CTSS: variants seen among roughly 807,000 people sequenced by gnomAD.
The protein encoded by CTSS is cathepsin S.
CTSS carries 15 observed loss-of-function variants against 39.9 expected under a neutral mutation model. That is an observed-to-expected ratio of 0.38 (90% CI 0.25 to 0.58). The LOEUF is 0.58. Ranked by LOEUF, CTSS falls within the 20% of genes least tolerant of loss-of-function variation. The probability of loss-of-function intolerance (pLI) is 0.70; values close to 1 mark genes in which losing one functional copy is unlikely to be tolerated. For synonymous variants in CTSS, 126 were observed against 138.2 expected, an observed-to-expected ratio of 0.91 and a Z score of 0.62; for missense variants, 250 against 398.2, an observed-to-expected ratio of 0.63 and a Z score of 3.17.
At chr1:150,733,486 A>G (rs587730741) in intron 7 of CTSS, among the ~76,000 whole-genome samples, 1 of 152,336 alleles carries the variant, frequency 6.6e-6, no homozygotes, top group East Asian at 1.9e-4. Context: ...TTTTGATAAC[A>G]GTATCATGTG....
chr1:150,765,466 C>G (rs1653355002), intron 1 of CTSS, among the ~76,000 whole-genome samples: 1 of 152,132 alleles, frequency 6.6e-6, no homozygotes, highest in South Asian at 2.1e-4. Flanking sequence ...GAATTTTAAA[C>G]ATGTAAGCCT....
intron 1 of CTSS, 107 bp from the exon 2 acceptor site, chr1:150,764,871 A>T: frequency 1.6e-6 from 2 of 1,283,296 alleles, no homozygotes; most frequent in South Asian, 2.8e-5. Context: ...AAAGGGACAG[A>T]CTATTATAAA....
At chr1:150,760,900 G>A (rs1263930525) in intron 2 of CTSS, among the ~76,000 whole-genome samples, 1 of 151,314 alleles carries the variant, frequency 6.6e-6, no homozygotes, top group Non-Finnish European at 1.5e-5. Context: ...AAAAAAGAAG[G>A]TTGGGCAAGG....
At chr1:150,753,298 A>AT (rs1000576656) in intron 4 of CTSS, among the ~76,000 whole-genome samples, 3 of 152,112 alleles carry the variant, frequency 2.0e-5, no homozygotes, top group African/African-American at 4.8e-5. Context: ...GATTTTTGCA[A>AT]TTTTTTTAAA....
At chr1:150,753,173 A>C (rs1418665540) in intron 4 of CTSS, among the ~76,000 whole-genome samples, 3 of 151,968 alleles carry the variant, frequency 2.0e-5, no homozygotes, top group Admixed American at 2.0e-4. Context: ...CTTCCTAATA[A>C]ATTTTTACTT....
intron 7 of CTSS, among the ~76,000 whole-genome samples, chr1:150,734,362 C>G (rs1022057624): frequency 6.0e-5 from 9 of 151,152 alleles, no homozygotes; most frequent in Admixed American, 2.0e-4. Context: ...TACTATTGGT[C>G]GGGCACGGTG....
chr1:150,761,844 T>C (rs925129992), intron 2 of CTSS, among the ~76,000 whole-genome samples: 1 of 152,236 alleles, frequency 6.6e-6, no homozygotes, highest in Admixed American at 6.5e-5. Context: ...AAAATGTTCA[T>C]ACTATCCAAA....
intron 7 of CTSS, among the ~76,000 whole-genome samples, chr1:150,733,796 C>G (rs1331990024): frequency 6.6e-6 from 1 of 151,456 alleles, no homozygotes; most frequent in Non-Finnish European, 1.5e-5. Context: ...GTCCCTGATT[C>G]TACAAAAAAA....
At position 150,757,945 on chromosome 1, in the gene CTSS, C is replaced by G. The variant is rs777186197; in HGVS notation, c.162G>C (p.Lys54Asn). The stretch of plus-strand genomic sequence containing the variant: ...TGTGAAGCATCACAAACTTTAGATT[C>G]TTTTCCCAGATGAGACGTCGTACTG... ...EEAVRRLIWE[K>N]NLKFVMLHNL... The change falls in exon 3 of 8, where the codon AAG (lysine) becomes AAC (asparagine). Residue 54 changes from lysine (K) to asparagine (N), a missense_variant. Physicochemically the swap from Lys to Asn is moderately conservative, Grantham distance 94. Coordinates refer to ENST00000368985, the MANE Select transcript of CTSS (RefSeq NM_004079.5). 1.2e-6 allele frequency: 2 copies of G among 1,613,868 alleles called. No homozygotes were observed. Among genetic ancestry groups the G allele is most frequent in the Non-Finnish European group, 1.7e-6 (2 of 1,179,942 alleles).
intron 2 of CTSS, among the ~76,000 whole-genome samples, chr1:150,760,847 C>T (rs1653239716): frequency 6.6e-6 from 1 of 151,016 alleles, no homozygotes; most frequent in Admixed American, 6.6e-5. Flanking sequence ...CACCACTTCA[C>T]TCCAACCTGG....
At chr1:150,765,246 T>C (rs1653347341) in intron 1 of CTSS, among the ~76,000 whole-genome samples, 2 of 152,172 alleles carry the variant, frequency 1.3e-5, no homozygotes, top group South Asian at 4.1e-4. Flanking sequence ...AATTCTCATC[T>C]ATTGCTTTCA....
chr1:150,750,495 C>CT (rs1652986503), intron 5 of CTSS, among the ~76,000 whole-genome samples: 1 of 152,208 alleles, frequency 6.6e-6, no homozygotes, highest in Admixed American at 6.5e-5. Context: ...GCTTTAAAAT[C>CT]TTTTTGATGC....
In CTSS at chr1:150,749,424, C is replaced by T. The variant is rs149953139; in HGVS notation, c.793+582G>A. Among the ~76,000 whole-genome samples the T allele has an allele frequency of 2.1e-4, 32 of 152,204 alleles. No individual in the cohort carries two copies. In the East Asian group the frequency reaches 4.8e-3, roughly 23 times the overall value. The stretch of plus-strand genomic sequence containing the variant: ...AGTAAGCCAGCCCAGCATGCCTTTA[C>T]GCCAAAACCTAATCCAGAACAAGAC... On this transcript the variant is annotated intron_variant, in intron 6 of 7. Coordinates refer to ENST00000368985, the MANE Select transcript of CTSS (RefSeq NM_004079.5).
intron 7 of CTSS, among the ~76,000 whole-genome samples, chr1:150,741,994 T>C (rs919300788): frequency 6.6e-6 from 1 of 151,622 alleles, no homozygotes; most frequent in African/African-American, 2.4e-5. Context: ...ATCCCAGCAC[T>C]TGGGGAGACC....
intron 2 of CTSS, 139 bp from the exon 3 acceptor site, chr1:150,758,119 A>C: frequency 1.5e-6 from 1 of 688,990 alleles, no homozygotes; most frequent in Non-Finnish European, 2.3e-6. Context: ...GCACGATCTC[A>C]GCTTACTTCA....
intron 5 of CTSS, among the ~76,000 whole-genome samples, chr1:150,751,317 C>T (rs1653000475): frequency 2.0e-5 from 3 of 152,114 alleles, no homozygotes; most frequent in Middle Eastern, 6.8e-3. Flanking sequence ...GGCGTGATCT[C>T]GGCTCACTGC....
rs938157892 is a variant in CTSS, at chr1:150,753,417, A to G, written c.400-1409T>C. Among the ~76,000 whole-genome samples the G allele has an allele frequency of 3.3e-5, 5 of 152,196 alleles. No homozygotes were observed. In the East Asian group the frequency reaches 9.6e-4, roughly 29 times the overall value. ...AGCCATGAATTAACTTGAGTGGCTC[A>G]ATTTATAGAACACTCTATCTCTAGT... On this transcript the variant is annotated intron_variant, in intron 4 of 7. Coordinates refer to ENST00000368985, the MANE Select transcript of CTSS (RefSeq NM_004079.5).
At chr1:150,736,034 A>G (rs778601281) in intron 7 of CTSS, among the ~76,000 whole-genome samples, 5 of 152,166 alleles carry the variant, frequency 3.3e-5, no homozygotes, top group Non-Finnish European at 5.9e-5. Context: ...CTGGGATTAC[A>G]GGCGTGAGCC....
At chr1:150,736,749 C>T (rs1248078530) in intron 7 of CTSS, among the ~76,000 whole-genome samples, 1 of 151,656 alleles carries the variant, frequency 6.6e-6, no homozygotes, top group African/African-American at 2.4e-5. Context: ...GTCCTGCTAA[C>T]TTCCCTTAAA....
Sources: allele counts gnomAD v4.1 joint callset (sites outside exome capture counted in the v4.1 genomes callset), GRCh38; gene constraint gnomAD v4.1.1; transcripts MANE v1.5; gene names NCBI Gene and HGNC (gene_info 2026-07-23, HGNC 2026-07-21).